The following TUBGCP5 variants were observed in gnomAD, a reference collection of about 807,000 sequenced individuals.
The protein encoded by TUBGCP5 is tubulin gamma complex component 5.
TUBGCP5 carries 98 observed loss-of-function variants against 134.7 expected under a neutral mutation model. The ratio of observed to expected loss-of-function variants is 0.73; its 90% CI spans 0.62 to 0.86. The LOEUF is 0.86. Among genes scored for constraint, TUBGCP5 ranks in the 40% least tolerant of loss-of-function variants. TUBGCP5 has a pLI of 0.00. For missense variants in TUBGCP5, 1,150 were observed against 1,244.8 expected (o/e 0.92, Z 1.15); for synonymous variants, 456 against 431.4 (o/e 1.06, Z -0.71).
intron 23 of TUBGCP5, among the ~76,000 whole-genome samples, chr15:22,985,721 G>C (rs1014604429): frequency 6.6e-6 from 1 of 152,100 alleles, no homozygotes; most frequent in Non-Finnish European, 1.5e-5. Flanking sequence ...TCAACAAACA[G>C]CTACTTGGGA....
intron 6 of TUBGCP5, 116 bp from the exon 7 acceptor site, chr15:23,027,422 A>G: frequency 1.3e-6 from 1 of 747,270 alleles, no homozygotes; most frequent in Non-Finnish European, 2.3e-6. Flanking sequence ...TAAAAATAAC[A>G]GCTACCTAAC....
At chr15:23,017,742 CAA>C (rs1159694104) in intron 13 of TUBGCP5, 29 bp downstream of exon 13, 5 of 1,598,108 alleles carry the variant, frequency 3.1e-6, no homozygotes, top group Non-Finnish European at 4.3e-6. Flanking sequence ...GTCCCAACAC[CAA>C]GAGAGACACA....
At chr15:22,995,567 T>C (rs1171098957), downstream of TUBGCP5, among the ~76,000 whole-genome samples, 3 of 121,402 alleles carry the variant, frequency 2.5e-5, no homozygotes, top group African/African-American at 3.5e-5. Flanking sequence ...AAAGCAAGGC[T>C]CCGTCTCAAA....
Position 23,019,289 on chromosome 15 carries a change from G to A in TUBGCP5, c.1417C>T (p.Leu473=). Reference sequence around the variant, plus strand: ...ACGATCCACTCGTCCACCGTCTGCAGGTAAGGCCGCACCGTTTCCACCCAG... The same window carrying A: ...ACGATCCACTCGTCCACCGTCTGCAAGTAAGGCCGCACCGTTTCCACCCAG... ...SLWVETVRPY[L]QTVDEWIVHG... is the part of the protein sequence containing the mutation. The change falls in exon 12 of 23, where the codon CTG becomes TTG. Residue 473 remains leucine (L), a synonymous_variant. Coordinates refer to ENST00000615383, the MANE Select transcript of TUBGCP5 (RefSeq NM_052903.6). 1 of 1,614,078 alleles carries A rather than the reference G, an allele frequency of 6.2e-7. No homozygotes were observed. Among genetic ancestry groups the A allele is most frequent in the Non-Finnish European group, 8.5e-7 (1 of 1,179,984 alleles).
At position 23,031,941 on chromosome 15, in the gene TUBGCP5, AC is replaced by A; in HGVS notation, c.486+8del. The stretch of plus-strand genomic sequence containing the variant: ...TTCAATTTTCAATAGCAAAACTACT[AC>A]CACTTACTGGTGTGTCCATGTACGG... On this transcript the variant is annotated splice_region_variant and intron_variant, in intron 5 of 22. Transcript: ENST00000615383. 6.3e-7 allele frequency: 1 copy of A among 1,594,426 alleles called. No homozygotes were observed. The highest frequency in any genetic ancestry group is 8.5e-7 in the Non-Finnish European group (1 of 1,169,680).
At chr15:23,027,939 G>C (rs1012755259) in intron 6 of TUBGCP5, among the ~76,000 whole-genome samples, 1 of 151,940 alleles carries the variant, frequency 6.6e-6, no homozygotes, top group African/African-American at 2.4e-5. Flanking sequence ...AACCACTACG[G>C]AAGTCTCAGG....
At position 23,036,913 on chromosome 15, in the gene TUBGCP5, C is replaced by A. The variant is rs546159988; in HGVS notation, c.293G>T (p.Ser98Ile). ...TEEFLNAPLP[S>I]IKEIKTDAHY... is the part of the protein sequence containing the mutation. ...AAGGCATACCTTTATTTCCTTTATA[C>A]TGGGAAGTGGTGCATTTAGAAATTC... The change falls in exon 3 of 23, where the codon AGT becomes ATT. Residue 98 changes from serine to isoleucine, a missense_variant. Around this residue, in one of 2 missense-constraint regions of TUBGCP5, gnomAD observed 453 missense variants for 394.7 expected, o/e 1.15. Coordinates refer to ENST00000615383, the MANE Select transcript of TUBGCP5 (RefSeq NM_052903.6). 26 of 1,608,172 alleles carry A rather than the reference C, an allele frequency of 1.6e-5. 1 individual carries two copies. The Admixed American group carries it at 3.5e-4, about 22-fold the overall frequency.
chr15:23,006,795 A>G (rs1458636482), intron 16 of TUBGCP5, among the ~76,000 whole-genome samples: 2 of 152,126 alleles, frequency 1.3e-5, no homozygotes, highest in Admixed American at 1.3e-4. Context: ...CACCAGAGGC[A>G]CTGTGCAGTG....
At chr15:23,004,342 G>T in intron 19 of TUBGCP5, 115 bp from the exon 20 acceptor site, 1 of 1,242,230 alleles carries the variant, frequency 8.1e-7, no homozygotes, top group South Asian at 1.4e-5. Context: ...CCTTCAATAA[G>T]CACATCTAGA....
At chr15:22,998,056 T>C (rs1237766717), downstream of TUBGCP5, among the ~76,000 whole-genome samples, 1 of 152,118 alleles carries the variant, frequency 6.6e-6, no homozygotes, top group Non-Finnish European at 1.5e-5. Flanking sequence ...GGCTCACGCC[T>C]GTAATCCCAG....
intron 16 of TUBGCP5, among the ~76,000 whole-genome samples, chr15:23,007,748 G>A (rs1357275645): frequency 6.6e-6 from 1 of 152,202 alleles, no homozygotes; most frequent in Non-Finnish European, 1.5e-5. Context: ...GAGCCAGACA[G>A]TAAATAGCTT....
chr15:23,003,531 CA>C (rs1162697669), intron 20 of TUBGCP5, among the ~76,000 whole-genome samples: 1 of 151,854 alleles, frequency 6.6e-6, no homozygotes, highest in Non-Finnish European at 1.5e-5. Flanking sequence ...CACAATTTTC[CA>C]AATGAATCCA....
intron 6 of TUBGCP5, among the ~76,000 whole-genome samples, chr15:23,029,275 G>A (rs1298433759): frequency 6.6e-6 from 1 of 152,174 alleles, no homozygotes; most frequent in African/African-American, 2.4e-5. Context: ...AGGCTGGAGT[G>A]CAATGGTGTG....
chr15:22,984,021 G>A (rs991474133), intron 23 of TUBGCP5, among the ~76,000 whole-genome samples: 1 of 152,084 alleles, frequency 6.6e-6, no homozygotes, highest in Non-Finnish European at 1.5e-5. Flanking sequence ...CACTGAGGCT[G>A]AGGCAGGAGA....
Position 23,006,309 on chromosome 15 carries a change from G to C in TUBGCP5, c.2371C>G (p.Leu791Val), listed in dbSNP as rs1181520664. The change falls in exon 17 of 23, where the codon CTG becomes GTG. Residue 791 changes from leucine to valine, a missense_variant. Coordinates refer to ENST00000615383, the MANE Select transcript of TUBGCP5 (RefSeq NM_052903.6). ...FENVDTAKKK[L>V]PVHILDGLTL... Reference sequence around the variant, plus strand: ...AGACCATCTAAGATATGAACAGGCAGCTTCTTCTTAGCTGTGTCAACATTT... The same window carrying C: ...AGACCATCTAAGATATGAACAGGCACCTTCTTCTTAGCTGTGTCAACATTT... 1 of 1,609,318 alleles carries C rather than the reference G, an allele frequency of 6.2e-7. No homozygotes were observed. Among genetic ancestry groups the C allele is most frequent in the Admixed American group, 1.7e-5 (1 of 58,476 alleles).
intron 16 of TUBGCP5, 146 bp from the exon 17 acceptor site, chr15:23,006,498 A>T: frequency 1.5e-6 from 1 of 659,818 alleles, no homozygotes; most frequent in Admixed American, 3.4e-5. Context: ...CAACAAATGT[A>T]TCTCTTCTAA....
At chr15:23,027,788 C>T (rs73409386) in intron 6 of TUBGCP5, among the ~76,000 whole-genome samples, 6,932 of 150,232 alleles carry the variant, frequency 0.046, 414 homozygotes, top group African/African-American at 0.14. Context: ...CATATAGAAA[C>T]GCATACTAAA....
At chr15:22,995,947 A>G (rs921163460), downstream of TUBGCP5, among the ~76,000 whole-genome samples, 7 of 152,118 alleles carry the variant, frequency 4.6e-5, no homozygotes, top group Admixed American at 1.3e-4. Context: ...TTATGTCGTT[A>G]TGTGGATGAG....
intron 13 of TUBGCP5, among the ~76,000 whole-genome samples, chr15:23,016,969 G>GATATGTGTATATATATAT (rs1555439436): frequency 3.7e-5 from 4 of 109,432 alleles, no homozygotes; most frequent in African/African-American, 1.4e-4. Flanking sequence ...AAAATTGTGA[G>GATATGTGTATATATATAT]ATATATATAT....
Sources: gnomAD v4.1 joint callset for allele counts (sites outside exome capture counted in the v4.1 genomes callset) on GRCh38, gnomAD v4.1.1 for gene constraint, gnomAD v4.1.1 regional missense constraint, MANE v1.5 for transcripts, NCBI Gene and HGNC (gene_info 2026-07-23, HGNC 2026-07-21) for gene names.